CNTNAP3: variants seen among roughly 807,000 people sequenced by gnomAD.
The protein encoded by CNTNAP3 is contactin-associated protein-like 3.
In CNTNAP3, 36 loss-of-function variants were observed where a neutral mutation model predicts 92.1. The observed-to-expected ratio is 0.39, with a 90% CI of 0.30 to 0.52. CNTNAP3 has a LOEUF of 0.52. CNTNAP3 is among the 20% of genes least tolerant of loss of function. CNTNAP3 has a pLI of 0.76. For synonymous variants in CNTNAP3, 232 were observed against 422.3 expected (o/e 0.55, Z 5.53); for missense variants, 534 against 1,069.6 (o/e 0.50, Z 6.98).
At chr9:39,119,905 T>C (rs191726397) in intron 13 of CNTNAP3, among the ~76,000 whole-genome samples, 3 of 152,276 alleles carry the variant, frequency 2.0e-5, no homozygotes, top group East Asian at 1.9e-4. Flanking sequence ...GACCCATCAA[T>C]AGGCTTTATC....
chr9:39,111,062 C>CAGA (rs1451212897), intron 14 of CNTNAP3, among the ~76,000 whole-genome samples: 1 of 152,060 alleles, frequency 6.6e-6, no homozygotes, highest in Non-Finnish European at 1.5e-5. Context: ...ATTGGCATGT[C>CAGA]AGAGTTGTAC....
intron 16 of CNTNAP3, 136 bp from the exon 17 acceptor site, chr9:39,102,851 T>C (rs1222306616): frequency 9.5e-6 from 12 of 1,262,118 alleles, no homozygotes; most frequent in Non-Finnish European, 9.0e-6. Flanking sequence ...GGACTGTGAG[T>C]TGGGGTGGGG....
intron 13 of CNTNAP3, among the ~76,000 whole-genome samples, chr9:39,128,811 AAAG>A (rs1821208984): frequency 6.6e-6 from 1 of 151,438 alleles, no homozygotes; most frequent in South Asian, 2.1e-4. Context: ...TAAGTTCAAA[AAAG>A]AGCTTATAAG....
At chr9:39,136,511 C>G (rs1821439906) in intron 12 of CNTNAP3, among the ~76,000 whole-genome samples, 3 of 152,120 alleles carry the variant, frequency 2.0e-5, no homozygotes, top group African/African-American at 4.8e-5. Flanking sequence ...GTATCTCACT[C>G]CATTCTTGCT....
intron 18 of CNTNAP3, among the ~76,000 whole-genome samples, chr9:39,089,502 T>A (rs1826142292): frequency 6.6e-6 from 1 of 152,194 alleles, no homozygotes; most frequent in African/African-American, 2.4e-5. Flanking sequence ...TTTTGACTAT[T>A]ATAAATAATG....
chr9:39,065,339 C>A lies in CNTNAP3; in HGVS notation c.*8551G>T, dbSNP rs1368254358. ...TCCATTTTATAGCTGAAGAGTATTT[C>A]ATTATTAATACAACACAAATTGTTT... On this transcript the variant is annotated 3_prime_UTR_variant, in exon 24 of 24. Coordinates refer to ENST00000297668, the MANE Select transcript of CNTNAP3 (RefSeq NM_033655.5). 6.6e-6 allele frequency among the ~76,000 whole-genome samples: 1 copy of A among 152,300 alleles called. No individual in the cohort carries two copies. Among genetic ancestry groups the A allele is most frequent in the Non-Finnish European group, 1.5e-5 (1 of 68,056 alleles).
At chr9:39,142,912 C>T (rs151140803) in intron 11 of CNTNAP3, among the ~76,000 whole-genome samples, 14 of 151,510 alleles carry the variant, frequency 9.2e-5, no homozygotes, top group South Asian at 4.2e-4. Flanking sequence ...AAATGTCTCA[C>T]GGAAGAGTTC....
intron 14 of CNTNAP3, among the ~76,000 whole-genome samples, chr9:39,114,023 TACACACATATATAC>T (rs992578354): frequency 7.1e-6 from 1 of 141,490 alleles, no homozygotes; most frequent in African/African-American, 2.9e-5. Context: ...CACATATATA[TACACACATATATAC>T]ACACACACAC....
intron 12 of CNTNAP3, among the ~76,000 whole-genome samples, chr9:39,136,811 G>C (rs1436986951): frequency 1.3e-5 from 2 of 152,098 alleles, no homozygotes; most frequent in African/African-American, 4.8e-5. Flanking sequence ...TGAGGCAGGA[G>C]AATCACCTGA....
intron 19 of CNTNAP3, among the ~76,000 whole-genome samples, chr9:39,087,512 A>T (rs1325425626): frequency 6.6e-6 from 1 of 151,004 alleles, no homozygotes; most frequent in African/African-American, 2.4e-5. Context: ...TTTGAGGTGG[A>T]GTCTCGCTCT....
At chr9:39,134,269 A>C (rs1374863480) in intron 12 of CNTNAP3, among the ~76,000 whole-genome samples, 1 of 152,182 alleles carries the variant, frequency 6.6e-6, no homozygotes, top group African/African-American at 2.4e-5. Flanking sequence ...TACAGAAAAA[A>C]ATCTGCAAAT....
chr9:39,081,987 T>C (rs10974130), intron 21 of CNTNAP3, among the ~76,000 whole-genome samples: 8,580 of 150,628 alleles, frequency 0.057, 384 homozygotes, highest in African/African-American at 0.15. Flanking sequence ...CTTGGGAGGC[T>C]GAGGCAGGAG....
At chr9:39,108,853 T>C (rs1442015002) in intron 15 of CNTNAP3, among the ~76,000 whole-genome samples, 2 of 152,188 alleles carry the variant, frequency 1.3e-5, no homozygotes, top group Admixed American at 1.3e-4. Context: ...AAATATCCCT[T>C]AGAATTCAGA....
rs1438814264 is a variant in CNTNAP3 at position 39,067,466 on chromosome 9, C to A, written c.*6424G>T. On this transcript the variant is annotated 3_prime_UTR_variant, in exon 24 of 24. Coordinates refer to ENST00000297668, the MANE Select transcript of CNTNAP3 (RefSeq NM_033655.5). ...AGGCTGGAGTGCAATGGCGCAATCTCGGCCCACTGCAAACTCTGCCTCCCG... is the reference window on the plus strand; with the variant it reads ...AGGCTGGAGTGCAATGGCGCAATCTAGGCCCACTGCAAACTCTGCCTCCCG... Among the ~76,000 whole-genome samples, 2 of 152,306 alleles carry A rather than the reference C, an allele frequency of 1.3e-5. No homozygotes were observed. Among genetic ancestry groups the A allele is most frequent in the African/African-American group, 4.8e-5 (2 of 41,486 alleles).
chr9:39,118,869 C>T (rs1292596221), intron 13 of CNTNAP3, among the ~76,000 whole-genome samples: 1 of 152,092 alleles, frequency 6.6e-6, no homozygotes, highest in Non-Finnish European at 1.5e-5. Context: ...AACAAAGTGC[C>T]CTGGGTCAAC....
At chr9:39,077,920 C>G (rs1028484307) in intron 23 of CNTNAP3, among the ~76,000 whole-genome samples, 3 of 152,006 alleles carry the variant, frequency 2.0e-5, no homozygotes, top group Non-Finnish European at 4.4e-5. Context: ...AGAAAATCAA[C>G]GAAGGCCGGG....
At position 39,084,279 on chromosome 9, in the gene CNTNAP3, G is replaced by A. The variant is rs1262157860; in HGVS notation, c.3442+1457C>T. 6.1e-4 allele frequency among the ~76,000 whole-genome samples: 87 copies of A among 142,322 alleles called. 1 individual carries two copies. Among genetic ancestry groups the A allele is most frequent in the Middle Eastern group, 3.7e-3 (1 of 272 alleles). The allele number at this position is 142,322 out of a possible 152,430, so 93.4% of individuals were successfully genotyped here. ...AGGATCTCTGCTCACTGCAAGCTCC[G>A]CCTCCTGGGTTCACGCCATTCTCCT... On this transcript the variant is annotated intron_variant, in intron 21 of 23. Coordinates refer to ENST00000297668, the MANE Select transcript of CNTNAP3 (RefSeq NM_033655.5).
intron 14 of CNTNAP3, among the ~76,000 whole-genome samples, chr9:39,110,367 G>T (rs1171091828): frequency 2.0e-5 from 3 of 152,154 alleles, no homozygotes; most frequent in Admixed American, 6.5e-5. Flanking sequence ...CTGCACTCCA[G>T]CCTGGGTGGC....
intron 14 of CNTNAP3, among the ~76,000 whole-genome samples, chr9:39,116,157 A>AAAAAC (rs1274303097): frequency 6.6e-6 from 1 of 150,716 alleles, no homozygotes; most frequent in South Asian, 2.1e-4. Context: ...GTCTCAAAAC[A>AAAAAC]AAAACAAAAC....
Sources: gnomAD v4.1 joint callset for allele counts (sites outside exome capture counted in the v4.1 genomes callset) on GRCh38, gnomAD v4.1.1 for gene constraint, MANE v1.5 for transcripts, NCBI Gene and HGNC (gene_info 2026-07-23, HGNC 2026-07-21) for gene names.